The following GNAI3 variants were observed in gnomAD, a reference collection of about 807,000 sequenced individuals.
GNAI3 encodes guanine nucleotide-binding protein G(i) subunit alpha-3.
In GNAI3, 12 loss-of-function variants were observed where a neutral mutation model predicts 41.8. The observed-to-expected ratio is 0.29, with a 90% CI of 0.18 to 0.47. The LOEUF is 0.47. GNAI3 is among the 20% of genes least tolerant of loss of function. The pLI is 1.00. For synonymous variants in GNAI3, 132 were observed against 146.5 expected, an observed-to-expected ratio of 0.90 and a Z score of 0.71; for missense variants, 360 against 429.6, an observed-to-expected ratio of 0.84 and a Z score of 1.43.
At chr1:109,558,464 T>G (rs989464644) in intron 1 of GNAI3, among the ~76,000 whole-genome samples, 1 of 152,096 alleles carries the variant, frequency 6.6e-6, no homozygotes, top group Non-Finnish European at 1.5e-5. Flanking sequence ...TAAATTGAAG[T>G]AGGGTACAGG....
Position 109,548,834 on chromosome 1 carries a change from A to T in GNAI3, c.114A>T (p.Leu38=), listed in dbSNP as rs375050746. 6.3e-7 allele frequency: 1 copy of T among 1,592,232 alleles called. No individual in the cohort carries two copies. ...CGGCCAAAGAAGTGAAGCTGCTGCT[A>T]CTCGGTGAGGGGCTGGAGGCGGGGA... The part of the protein sequence containing the change: ...EKAAKEVKLL[L]LGAGESGKST... The change falls in exon 1 of 9, where the codon CTA becomes CTT. Residue 38 remains leucine, a synonymous_variant. Transcript: ENST00000369851.
Position 109,588,769 on chromosome 1 carries a change from T to A in GNAI3, c.874+1887T>A, listed in dbSNP as rs554908922. On this transcript the variant is annotated intron_variant, in intron 7 of 8. Coordinates refer to ENST00000369851, the MANE Select transcript of GNAI3 (RefSeq NM_006496.4). ...TTAGCTGGGCATGGTGGTGTGCGCC[T>A]GTAATCCCAGCTACTCGGGAGGCTG... Among the ~76,000 whole-genome samples the A allele has an allele frequency of 6.3e-4, 96 of 152,080 alleles. 3 individuals are homozygous for A. In the East Asian group the frequency reaches 6.8e-3, roughly 11 times the overall value.
Position 109,594,450 on chromosome 1 carries a change from C to T in GNAI3, c.*2128C>T, listed in dbSNP as rs1649246671. ...ATAGCAGGTCCCCATTTTTCTGCCT[C>T]TGTACCATTTACATTTGCTCTCTGT... On this transcript the variant is annotated 3_prime_UTR_variant, in exon 9 of 9. Coordinates refer to ENST00000369851, the MANE Select transcript of GNAI3 (RefSeq NM_006496.4). The T allele has an allele frequency of 6.6e-6, 1 of 152,220 alleles. No homozygotes were observed. The highest frequency in any genetic ancestry group is 1.5e-5 in the Non-Finnish European group (1 of 68,034). 9.4% of individuals were successfully genotyped at this position (152,220 alleles called of 1,614,324 possible). A position where few individuals can be genotyped will look rare whatever the true frequency, so the allele number is the denominator to read the frequency against.
intron 3 of GNAI3, among the ~76,000 whole-genome samples, chr1:109,576,802 G>A (rs1196032525): frequency 6.6e-6 from 1 of 152,120 alleles, no homozygotes; most frequent in African/African-American, 2.4e-5. Flanking sequence ...GATTACAGGC[G>A]TGAGCCACCA....
intron 8 of GNAI3, 32 bp from the exon 9 acceptor site, chr1:109,592,312 CT>C: frequency 1.1e-6 from 1 of 908,110 alleles, no homozygotes; most frequent in African/African-American, 1.7e-5. Context: ...GGTTTTTAAA[CT>C]TTTTCTAATT....
chr1:109,588,501 G>A (rs1557912529), intron 7 of GNAI3, among the ~76,000 whole-genome samples: 1 of 152,188 alleles, frequency 6.6e-6, no homozygotes, highest in Non-Finnish European at 1.5e-5. Flanking sequence ...GGGCACAAAT[G>A]TAACTGCCAG....
Position 109,577,339 on chromosome 1 carries a change from C to T in GNAI3, c.304-1865C>T, listed in dbSNP as rs146643746. Among the ~76,000 whole-genome samples the T allele has an allele frequency of 2.2e-3, 325 of 148,706 alleles. 2 individuals are homozygous for T. The highest frequency in any genetic ancestry group is 7.9e-3 in the African/African-American group (316 of 40,118). ...TCGCCCAGGCTAGAGTGCAATGGCA[C>T]CATCTCAGCTCACTGCAACCTCCGC... On this transcript the variant is annotated intron_variant, in intron 3 of 8. Transcript: ENST00000369851.
At chr1:109,559,359 C>G (rs1354052083) in intron 1 of GNAI3, among the ~76,000 whole-genome samples, 2 of 152,034 alleles carry the variant, frequency 1.3e-5, no homozygotes, top group East Asian at 3.9e-4. Flanking sequence ...TAGGAGATAC[C>G]ATGCAATTAA....
Position 109,598,841 on chromosome 1 carries a change from A to G in GNAI3, c.*6519A>G. Reference sequence around the variant, plus strand: ...GCAGGACCACCAGAGGCTCTGTCACACTTGCAGTCCCTGGCCCAACACCGA... The same window carrying G: ...GCAGGACCACCAGAGGCTCTGTCACGCTTGCAGTCCCTGGCCCAACACCGA... On this transcript the variant is annotated 3_prime_UTR_variant, in exon 9 of 9. Coordinates refer to ENST00000369851, the MANE Select transcript of GNAI3 (RefSeq NM_006496.4). 2 of 529,984 alleles carry G rather than the reference A, an allele frequency of 3.8e-6. No individual in the cohort carries two copies. The highest frequency in any genetic ancestry group is 2.8e-5 in the South Asian group (2 of 71,438). The allele number at this position is 529,984 out of a possible 1,614,324, so 32.8% of individuals were successfully genotyped here. A position where few individuals can be genotyped will look rare whatever the true frequency, so the allele number is the denominator to read the frequency against.
At chr1:109,567,416 A>G (rs998025972) in intron 1 of GNAI3, among the ~76,000 whole-genome samples, 1 of 152,236 alleles carries the variant, frequency 6.6e-6, no homozygotes, top group Non-Finnish European at 1.5e-5. Flanking sequence ...AGGAAAAGCT[A>G]TAGAGGTATA....
At chr1:109,564,353 T>G (rs1158298051) in intron 1 of GNAI3, among the ~76,000 whole-genome samples, 1 of 152,160 alleles carries the variant, frequency 6.6e-6, no homozygotes, top group Non-Finnish European at 1.5e-5. Flanking sequence ...TTGTTTTTTT[T>G]TGTTTTTTAA....
intron 3 of GNAI3, among the ~76,000 whole-genome samples, chr1:109,577,498 A>G (rs1339865071): frequency 6.6e-6 from 1 of 151,872 alleles, no homozygotes; most frequent in African/African-American, 2.4e-5. Flanking sequence ...GATGGTCTCA[A>G]TCTCTTGACC....
intron 1 of GNAI3, among the ~76,000 whole-genome samples, chr1:109,565,116 C>T (rs549391521): frequency 1.3e-5 from 2 of 151,958 alleles, no homozygotes; most frequent in African/African-American, 2.4e-5. Flanking sequence ...CAAAAAAAAT[C>T]GACCTGGCGT....
chr1:109,590,658 C>G (rs886434793), intron 7 of GNAI3, among the ~76,000 whole-genome samples: 4 of 151,818 alleles, frequency 2.6e-5, no homozygotes, highest in South Asian at 2.1e-4. Flanking sequence ...TCACTGCAAC[C>G]TCCACCTCCC....
intron 5 of GNAI3, among the ~76,000 whole-genome samples, chr1:109,584,646 A>G (rs976998665): frequency 1.3e-5 from 2 of 152,186 alleles, no homozygotes; most frequent in African/African-American, 2.4e-5. Context: ...CATTTATTCA[A>G]ACATTTATTG....
chr1:109,561,422 G>A (rs991460637), intron 1 of GNAI3, among the ~76,000 whole-genome samples: 1 of 152,212 alleles, frequency 6.6e-6, no homozygotes, highest in Non-Finnish European at 1.5e-5. Context: ...ATTAATATTG[G>A]TGCCTTAATG....
At chr1:109,575,574 G>T (rs184067860) in intron 3 of GNAI3, among the ~76,000 whole-genome samples, 1,107 of 106,984 alleles carry the variant, frequency 0.01, 14 homozygotes, top group African/African-American at 0.039. Context: ...ACGGACTCTC[G>T]CCCTGTCGCC....
chr1:109,579,195 T>C lies in GNAI3; in HGVS notation c.304-9T>C, dbSNP rs1400139680. On this transcript the variant is annotated splice_polypyrimidine_tract_variant and intron_variant, in intron 3 of 8. Coordinates refer to ENST00000369851, the MANE Select transcript of GNAI3 (RefSeq NM_006496.4). ...AGTCATCTGTCTCTTTCTTAACTGC[T>C]TTCTTCAGGATGATGCCCGGCAATT... 2 of 1,605,904 alleles carry C rather than the reference T, an allele frequency of 1.2e-6. No homozygotes were observed. The highest frequency in any genetic ancestry group is 2.7e-5 in the African/African-American group (2 of 74,584).
At chr1:109,571,270 A>G (rs1456001929) in intron 1 of GNAI3, among the ~76,000 whole-genome samples, 1 of 152,170 alleles carries the variant, frequency 6.6e-6, no homozygotes, top group Non-Finnish European at 1.5e-5. Context: ...CCTACTAGAA[A>G]TCTAATATCA....
Sources: gnomAD v4.1 joint callset for allele counts (sites outside exome capture counted in the v4.1 genomes callset) on GRCh38, gnomAD v4.1.1 for gene constraint, MANE v1.5 for transcripts, NCBI Gene and HGNC (gene_info 2026-07-23, HGNC 2026-07-21) for gene names.